The following CCDC69 variants were observed in gnomAD, a reference collection of about 807,000 sequenced individuals.
The protein encoded by CCDC69 is coiled-coil domain containing 69.
In CCDC69, 38 loss-of-function variants were observed where a neutral mutation model predicts 40.3. That is an observed-to-expected ratio of 0.94 (90% CI 0.73 to 1.24). CCDC69 has a LOEUF of 1.24. Ranked by LOEUF, CCDC69 falls within the 50% of genes most tolerant of loss-of-function variation. CCDC69 has a pLI of 0.00. For missense variants in CCDC69, 389 were observed against 357.9 expected (o/e 1.09, Z -0.70); for synonymous variants, 141 against 138.9 (o/e 1.02, Z -0.11).
Position 151,183,355 on chromosome 5 carries a change from G to C in CCDC69, c.*82C>G. The stretch of plus-strand genomic sequence containing the variant: ...CCTCGTTCCTTCCTGGAAAAGAACT[G>C]AGAGGCTCCTGCTGTCTTCTCCAGA... On this transcript the variant is annotated 3_prime_UTR_variant, in exon 9 of 9. Coordinates refer to ENST00000355417, the MANE Select transcript of CCDC69 (RefSeq NM_015621.3). The C allele has an allele frequency of 6.9e-7, 1 of 1,454,890 alleles. No individual in the cohort carries two copies. Among genetic ancestry groups the C allele is most frequent in the East Asian group, 2.4e-5 (1 of 41,684 alleles). The allele number at this position is 1,454,890 out of a possible 1,614,324, so 90.1% of individuals were successfully genotyped here. A position where few individuals can be genotyped will look rare whatever the true frequency, so the allele number is the denominator to read the frequency against.
rs1752451712 is a variant in CCDC69 at position 151,184,655 on chromosome 5, T to G, written c.616-214A>C. ...GCCACAGGAGAATGGTAAAAAAAAATTACAGGCCCTACCATCTCATTTCAC... is the reference window on the plus strand; with the variant it reads ...GCCACAGGAGAATGGTAAAAAAAAAGTACAGGCCCTACCATCTCATTTCAC... On this transcript the variant is annotated intron_variant, in intron 7 of 8. Coordinates refer to ENST00000355417, the MANE Select transcript of CCDC69 (RefSeq NM_015621.3). The G allele has an allele frequency of 6.2e-6, 3 of 482,652 alleles. No individual in the cohort carries two copies. In the Admixed American group the frequency reaches 1.0e-4, roughly 16 times the overall value. The allele number at this position is 482,652 out of a possible 1,614,324, so 29.9% of individuals were successfully genotyped here. A position where few individuals can be genotyped will look rare whatever the true frequency, so the allele number is the denominator to read the frequency against.
At chr5:151,187,529 G>C (rs1752542397) in intron 4 of CCDC69, 70 bp from the exon 5 acceptor site, 1 of 1,302,102 alleles carries the variant, frequency 7.7e-7, no homozygotes, top group East Asian at 2.3e-5. Flanking sequence ...CCCCTTGGTG[G>C]CCAGGAAGGT....
At chr5:151,203,698 GTATA>G (rs200263947) in intron 2 of CCDC69, among the ~76,000 whole-genome samples, 15 of 131,896 alleles carry the variant, frequency 1.1e-4, no homozygotes, top group Non-Finnish European at 9.4e-5. Flanking sequence ...AATATATATA[GTATA>G]TATATTATAT....
chr5:151,216,922 T>C (rs1753052562), intron 1 of CCDC69, among the ~76,000 whole-genome samples: 1 of 151,630 alleles, frequency 6.6e-6, no homozygotes, highest in South Asian at 2.1e-4. Flanking sequence ...ATACCAGAGG[T>C]TGGGAAGGAC....
intron 1 of CCDC69, among the ~76,000 whole-genome samples, chr5:151,220,810 A>C (rs1753124455): frequency 6.6e-6 from 1 of 151,458 alleles, no homozygotes; most frequent in African/African-American, 2.4e-5. Context: ...TCCGCTTCCT[A>C]CCCTATTGCC....
chr5:151,217,901 CA>C (rs1753072479), intron 1 of CCDC69, among the ~76,000 whole-genome samples: 1 of 152,130 alleles, frequency 6.6e-6, no homozygotes, highest in South Asian at 2.1e-4. Context: ...ATGTCCAGGC[CA>C]TTTCCTTAAG....
chr5:151,219,304 C>T (rs1397117689), intron 1 of CCDC69, among the ~76,000 whole-genome samples: 1 of 152,146 alleles, frequency 6.6e-6, no homozygotes, highest in Admixed American at 6.5e-5. Flanking sequence ...CTCGCCTGCC[C>T]CATAAGTGCC....
chr5:151,200,220 C>T (rs1752758291), intron 3 of CCDC69, among the ~76,000 whole-genome samples: 3 of 151,910 alleles, frequency 2.0e-5, no homozygotes, highest in African/African-American at 7.3e-5. Flanking sequence ...CTCACTGCAA[C>T]CTCTGCCTCC....
chr5:151,185,941 G>A (rs1752502404), intron 6 of CCDC69, 82 bp downstream of exon 6: 1 of 907,344 alleles, frequency 1.1e-6, no homozygotes, highest in Admixed American at 1.7e-5. Flanking sequence ...TGTCCTTGAA[G>A]AGGGGCTGGT....
At chr5:151,203,228 G>A (rs146669810) in intron 2 of CCDC69, among the ~76,000 whole-genome samples, 158 of 152,038 alleles carry the variant, frequency 1.0e-3, no homozygotes, top group African/African-American at 3.7e-3. Context: ...AGGAAATGTA[G>A]GCCAGGCGCG....
At chr5:151,185,384 C>T (rs757594860) in intron 7 of CCDC69, 38 bp downstream of exon 7, 1 of 1,610,450 alleles carries the variant, frequency 6.2e-7, no homozygotes. Context: ...AAAGCGGGAG[C>T]CTGAGGCTGC....
intron 1 of CCDC69, 127 bp from the exon 2 acceptor site, chr5:151,205,602 G>A (rs750911945): frequency 1.3e-4 from 97 of 761,022 alleles, no homozygotes; most frequent in Non-Finnish European, 2.0e-4. Flanking sequence ...CCTGCCCCAC[G>A]CCTGCGCATT....
chr5:151,201,282 C>T (rs1249360855), intron 3 of CCDC69, among the ~76,000 whole-genome samples: 1 of 152,164 alleles, frequency 6.6e-6, no homozygotes, highest in Non-Finnish European at 1.5e-5. Flanking sequence ...GTGGTCCCAC[C>T]CAACCATGAG....
At chr5:151,204,187 C>T (rs1419090146) in intron 2 of CCDC69, among the ~76,000 whole-genome samples, 2 of 151,914 alleles carry the variant, frequency 1.3e-5, no homozygotes, top group African/African-American at 2.4e-5. Context: ...ACCGCCACTC[C>T]AGGCTAGTTT....
chr5:151,194,816 C>T lies in CCDC69; in HGVS notation c.319+4181G>A, dbSNP rs138785975. 7.4e-3 allele frequency among the ~76,000 whole-genome samples: 1,067 copies of T among 144,670 alleles called. 15 individuals are homozygous for T. The highest frequency in any genetic ancestry group is 0.033 in the Middle Eastern group (9 of 272). The allele number at this position is 144,670 out of a possible 152,430, so 94.9% of individuals were successfully genotyped here. On this transcript the variant is annotated intron_variant, in intron 4 of 8. Transcript: ENST00000355417. ...GCTCAGGCAAAGAATTGCTTGAACC[C>T]GGGAGGCGGAGGTTGCAGTGAGCCG...
intron 2 of CCDC69, 76 bp downstream of exon 2, chr5:151,205,324 C>T: frequency 1.8e-6 from 2 of 1,111,570 alleles, no homozygotes; most frequent in Admixed American, 1.8e-5. Flanking sequence ...ATTTCAGCAG[C>T]TGTATCATCT....
At position 151,201,679 on chromosome 5, in the gene CCDC69, A is replaced by G; in HGVS notation, c.134T>C (p.Val45Ala). 1 of 1,609,724 alleles carries G rather than the reference A, an allele frequency of 6.2e-7. No homozygotes were observed. The change falls in exon 3 of 9, where the codon GTC (valine) becomes GCC (alanine). Residue 45 changes from valine to alanine, a missense_variant. Val to Ala is a moderately conservative substitution (Grantham distance 64). Transcript: ENST00000355417. The part of the protein sequence containing the change: ...GPLNGDTAIT[V>A]QLCASEEAER... ...AGCCTCCTCTGATGCACAGAGCTGG[A>G]CAGTTATAGCTAGAGATGAAAAAGC... is the stretch of plus-strand genomic sequence containing the variant.
At chr5:151,213,127 A>G (rs1752976969) in intron 1 of CCDC69, among the ~76,000 whole-genome samples, 1 of 152,246 alleles carries the variant, frequency 6.6e-6, no homozygotes, top group Admixed American at 6.5e-5. Flanking sequence ...GACCACCAGC[A>G]TTAATGGAAC....
intron 7 of CCDC69, 49 bp from the exon 8 acceptor site, chr5:151,184,490 G>A (rs374383707): frequency 1.3e-5 from 15 of 1,189,692 alleles, no homozygotes; most frequent in Non-Finnish European, 1.9e-5. Context: ...CACGCTGCAC[G>A]ATGTGTGCTG....
Sources: allele counts gnomAD v4.1 joint callset (sites outside exome capture counted in the v4.1 genomes callset), GRCh38; gene constraint gnomAD v4.1.1; transcripts MANE v1.5; gene names NCBI Gene and HGNC (gene_info 2026-07-23, HGNC 2026-07-21).